The following WWTR1 variants were observed in gnomAD, a reference collection of about 807,000 sequenced individuals.
The protein encoded by WWTR1 is WW domain-containing transcription regulator protein 1.
Under a neutral mutation model 40.1 loss-of-function variants are expected in WWTR1, and 13 were observed. The observed-to-expected ratio is 0.32, with a 90% CI of 0.21 to 0.52. The LOEUF is 0.52. WWTR1 is among the 20% of genes least tolerant of loss of function. The probability of loss-of-function intolerance (pLI) is 0.97; values close to 1 mark genes in which losing one functional copy is unlikely to be tolerated. For synonymous variants in WWTR1, 230 were observed against 210.1 expected, an observed-to-expected ratio of 1.09 and a Z score of -0.82; for missense variants, 436 against 523.1, an observed-to-expected ratio of 0.83 and a Z score of 1.63.
At chr3:149,643,362 A>G (rs1712297329) in intron 2 of WWTR1, among the ~76,000 whole-genome samples, 1 of 152,238 alleles carries the variant, frequency 6.6e-6, no homozygotes, top group Non-Finnish European at 1.5e-5. Flanking sequence ...TGTGCCAGCA[A>G]TAACAGTCCT....
chr3:149,656,779 TCTCTCTCTCTCTCA>T, intron 2 of WWTR1, 83 bp downstream of exon 2: 10 of 1,046,180 alleles, frequency 9.6e-6, no homozygotes, highest in South Asian at 8.0e-5. Flanking sequence ...TCTCTCTCTC[TCTCTCTCTCTCTCA>T]CACACACACA....
At chr3:149,699,737 G>A (rs146424420) in intron 1 of WWTR1, among the ~76,000 whole-genome samples, 68 of 152,302 alleles carry the variant, frequency 4.5e-4, no homozygotes, top group Admixed American at 1.3e-3. Flanking sequence ...TGATCAGCCT[G>A]GACTTTACTG....
intron 2 of WWTR1, among the ~76,000 whole-genome samples, chr3:149,624,492 C>G (rs1308284282): frequency 6.6e-6 from 1 of 152,178 alleles, no homozygotes; most frequent in African/African-American, 2.4e-5. Flanking sequence ...AGACAGGAAT[C>G]TATATTCTGT....
intron 2 of WWTR1, among the ~76,000 whole-genome samples, chr3:149,665,042 C>A (rs1442398477): frequency 6.6e-6 from 1 of 151,866 alleles, no homozygotes; most frequent in African/African-American, 2.4e-5. Context: ...GGGCAAGGGA[C>A]TGGAGGAAAT....
Position 149,678,128 on chromosome 3 carries a change from A to C in WWTR1, c.-107-8237T>G, listed in dbSNP as rs369050142. Among the ~76,000 whole-genome samples the C allele has an allele frequency of 4.8e-4, 73 of 152,270 alleles. 1 individual carries two copies. The South Asian group carries it at 0.01, about 22-fold the overall frequency. On this transcript the variant is annotated intron_variant, in intron 1 of 7. Coordinates refer to the WWTR1 transcript ENST00000465804. ...TCAACCTAACATCATTGGCAAATGT[A>C]ATGGTGCATTTCTTGAGATAATGAG...
intron 3 of WWTR1, among the ~76,000 whole-genome samples, chr3:149,550,301 C>T (rs1425621646): frequency 1.3e-5 from 2 of 151,922 alleles, no homozygotes; most frequent in African/African-American, 4.8e-5. Flanking sequence ...AGAAGTGTTC[C>T]CTGGTCTAAT....
At chr3:149,685,959 A>G (rs1392822755) in intron 1 of WWTR1, among the ~76,000 whole-genome samples, 1 of 152,170 alleles carries the variant, frequency 6.6e-6, no homozygotes, top group Non-Finnish European at 1.5e-5. Context: ...AAAAAATGCT[A>G]TTGTCACTTC....
At chr3:149,531,605 G>A (rs980095492) in intron 4 of WWTR1, among the ~76,000 whole-genome samples, 1 of 151,854 alleles carries the variant, frequency 6.6e-6, no homozygotes, top group Admixed American at 6.6e-5. Context: ...GGTGTTCCTC[G>A]AGTCTTCCTA....
In WWTR1 at chr3:149,651,179, A is replaced by AGCTG. The variant is rs770639545; in HGVS notation, c.431+5696_431+5697insCAGC. ...ATGAAAACAGCTACATTATACTGTC[A>AGCTG]TTCAAAGATAAACAGAAAAAACAAG... On this transcript the variant is annotated intron_variant, in intron 2 of 6. Coordinates refer to ENST00000360632, the MANE Select transcript of WWTR1 (RefSeq NM_015472.6). 3.8e-3 allele frequency among the ~76,000 whole-genome samples: 577 copies of AGCTG among 152,376 alleles called. 2 individuals carry two copies. The highest frequency in any genetic ancestry group is 6.2e-3 in the Non-Finnish European group (424 of 68,040).
At chr3:149,586,393 G>A (rs902363918) in intron 2 of WWTR1, among the ~76,000 whole-genome samples, 5 of 151,600 alleles carry the variant, frequency 3.3e-5, no homozygotes, top group African/African-American at 4.8e-5. Context: ...TGTAACACTC[G>A]CAAGATAAAG....
At chr3:149,530,482 T>C (rs1393547281) in intron 4 of WWTR1, among the ~76,000 whole-genome samples, 3 of 151,952 alleles carry the variant, frequency 2.0e-5, no homozygotes, top group Non-Finnish European at 4.4e-5. Context: ...TTGTTATCTG[T>C]AATAATATAT....
chr3:149,666,196 T>C (rs1159885092), intron 2 of WWTR1, among the ~76,000 whole-genome samples: 1 of 147,176 alleles, frequency 6.8e-6, no homozygotes, highest in Non-Finnish European at 1.5e-5. Context: ...CAAGTATATA[T>C]GGGCTCTACT....
intron 2 of WWTR1, among the ~76,000 whole-genome samples, chr3:149,664,594 T>A (rs1713725242): frequency 6.6e-6 from 1 of 151,730 alleles, no homozygotes. Context: ...ACTATCTTTT[T>A]TTTTTTTTTT....
chr3:149,522,280 C>CT (rs910322137), intron 6 of WWTR1, among the ~76,000 whole-genome samples: 2 of 152,170 alleles, frequency 1.3e-5, no homozygotes, highest in African/African-American at 4.8e-5. Context: ...CGAAAGTTCA[C>CT]TTTAGCAATC....
chr3:149,560,821 G>A (rs1293824643), intron 3 of WWTR1, among the ~76,000 whole-genome samples: 2 of 152,092 alleles, frequency 1.3e-5, no homozygotes, highest in Non-Finnish European at 2.9e-5. Context: ...AACTTCCAAC[G>A]AAACTTCCAT....
intron 2 of WWTR1, among the ~76,000 whole-genome samples, chr3:149,645,210 A>G (rs918621961): frequency 3.3e-5 from 5 of 151,668 alleles, no homozygotes; most frequent in Non-Finnish European, 7.4e-5. Context: ...CTCCCGAGTC[A>G]CTGGGACTAC....
At chr3:149,641,389 G>A (rs1017627057) in intron 2 of WWTR1, among the ~76,000 whole-genome samples, 11 of 152,108 alleles carry the variant, frequency 7.2e-5, no homozygotes, top group African/African-American at 2.4e-5. Flanking sequence ...TGTTACTGAC[G>A]CTTTGCTTAA....
intron 1 of WWTR1, chr3:149,701,944 A>G (rs1576646654): frequency 5.7e-6 from 1 of 174,684 alleles, no homozygotes; most frequent in South Asian, 2.0e-4. Flanking sequence ...ACTTTGCTAC[A>G]TTTCTATAGT....
intron 4 of WWTR1, among the ~76,000 whole-genome samples, chr3:149,541,476 A>G (rs1246618856): frequency 6.6e-6 from 1 of 152,192 alleles, no homozygotes; most frequent in Non-Finnish European, 1.5e-5. Flanking sequence ...ACTCTGTTGG[A>G]GTCCATATAC....
Sources: allele counts gnomAD v4.1 joint callset (sites outside exome capture counted in the v4.1 genomes callset), GRCh38; gene constraint gnomAD v4.1.1; transcripts MANE v1.5; gene names NCBI Gene and HGNC (gene_info 2026-07-23, HGNC 2026-07-21).